The following VASP variants were observed in gnomAD, a reference collection of about 807,000 sequenced individuals.
VASP encodes vasodilator-stimulated phosphoprotein.
VASP carries 27 observed loss-of-function variants against 54.4 expected under a neutral mutation model. That is an observed-to-expected ratio of 0.50 (90% CI 0.37 to 0.68). The LOEUF (loss-of-function observed/expected upper bound fraction) is 0.68. VASP is among the 30% of genes least tolerant of loss of function. VASP has a pLI of 0.00. For missense variants in VASP, 488 were observed against 528.3 expected (o/e 0.92, Z 0.75); for synonymous variants, 233 against 209.8 (o/e 1.11, Z -0.96).
chr19:45,521,308 C>T lies in VASP; in HGVS notation c.344-14C>T. ...CTGGGACTGATCCATGGCCCTTTCT[C>T]TCTCACCTTTCAGGAGGTGGGCCCC... On this transcript the variant is annotated splice_polypyrimidine_tract_variant and intron_variant, in intron 3 of 12. Coordinates refer to ENST00000245932, the MANE Select transcript of VASP (RefSeq NM_003370.4). 1 of 1,565,986 alleles carries T rather than the reference C, an allele frequency of 6.4e-7. No individual in the cohort carries two copies. The highest frequency in any genetic ancestry group is 8.7e-7 in the Non-Finnish European group (1 of 1,154,874).
chr19:45,512,334 G>A (rs1355031833), intron 1 of VASP, among the ~76,000 whole-genome samples: 18 of 151,556 alleles, frequency 1.2e-4, no homozygotes, highest in Admixed American at 1.2e-3. Context: ...TGTCGCCCAG[G>A]CTGGAGTGCA....
At chr19:45,521,164 A>G (rs576448352) in intron 3 of VASP, among the ~76,000 whole-genome samples, 158 bp from the exon 4 acceptor site, 10 of 152,284 alleles carry the variant, frequency 6.6e-5, no homozygotes, top group South Asian at 4.1e-4. Context: ...TCACCTCCCA[A>G]TGTGCGTCCT....
chr19:45,507,584 A>T lies in VASP; in HGVS notation c.-188A>T. ...CAGGAACCTCTCATCAGACCGCCTG[A>T]GGGAAGCGGCGCCCGGAGACCCGCC... On this transcript the variant is annotated 5_prime_UTR_variant, in exon 1 of 13. Transcript: ENST00000245932. The surrounding 1 kb of genome is among the most constrained non-coding windows in gnomAD (Gnocchi z 4.4). 4.9e-6 allele frequency: 3 copies of T among 610,062 alleles called. No individual in the cohort carries two copies. The highest frequency in any genetic ancestry group is 2.7e-6 in the Non-Finnish European group (1 of 371,636). 37.8% of individuals were successfully genotyped at this position (610,062 alleles called of 1,614,324 possible).
Position 45,522,598 on chromosome 19 carries a change from G to T in VASP, c.720+17G>T. 1 of 1,487,790 alleles carries T rather than the reference G, an allele frequency of 6.7e-7. No individual in the cohort carries two copies. The highest frequency in any genetic ancestry group is 1.4e-5 in the African/African-American group (1 of 71,128). 92.2% of individuals were successfully genotyped at this position (1,487,790 alleles called of 1,614,324 possible). A position where few individuals can be genotyped will look rare whatever the true frequency, so the allele number is the denominator to read the frequency against. Reference sequence around the variant, plus strand: ...GTCAGCAAGGTGAGGGGCCGGGAGAGGTGGGCAGGGGGCAACAGGGCTTTT... The same window carrying T: ...GTCAGCAAGGTGAGGGGCCGGGAGATGTGGGCAGGGGGCAACAGGGCTTTT... On this transcript the variant is annotated intron_variant, in intron 6 of 12. Transcript: ENST00000245932.
intron 1 of VASP, among the ~76,000 whole-genome samples, chr19:45,509,555 C>T (rs74552571): frequency 0.06 from 9,105 of 152,220 alleles, 390 homozygotes; most frequent in African/African-American, 0.11. Flanking sequence ...GCCCTGGAAG[C>T]CCTGGCCCTC....
At chr19:45,520,052 C>G (rs1968798541) in intron 3 of VASP, among the ~76,000 whole-genome samples, 1 of 151,766 alleles carries the variant, frequency 6.6e-6, no homozygotes, top group Non-Finnish European at 1.5e-5. Context: ...TAGGTGTGCA[C>G]CAACATGCCT....
chr19:45,514,699 G>A (rs930281554), intron 1 of VASP, among the ~76,000 whole-genome samples: 14 of 152,160 alleles, frequency 9.2e-5, no homozygotes, highest in African/African-American at 1.4e-4. Context: ...CAGCAGCCCC[G>A]GGCTCCTGGC....
Position 45,522,579 on chromosome 19 carries a change from A to G in VASP, c.718A>G (p.Lys240Glu). ...IAGAKLRKVS[K>E]QEEASGGPTA... ...TGGAGCCAAACTCAGGAAAGTCAGC[A>G]AGGTGAGGGGCCGGGAGAGGTGGGC... Residue 240 changes from lysine (K) to glutamate (E), a missense_variant and splice_region_variant, in exon 6 of 13, where the codon AAG becomes GAG. Coordinates refer to ENST00000245932, the MANE Select transcript of VASP (RefSeq NM_003370.4). 6.8e-7 allele frequency: 1 copy of G among 1,470,168 alleles called. No homozygotes were observed. Among genetic ancestry groups the G allele is most frequent in the South Asian group, 1.4e-5 (1 of 70,966 alleles). The allele number at this position is 1,470,168 out of a possible 1,614,324, so 91.1% of individuals were successfully genotyped here.
intron 10 of VASP, 131 bp from the exon 11 acceptor site, chr19:45,524,437 ACT>A: frequency 2.3e-6 from 2 of 887,448 alleles, no homozygotes; most frequent in Non-Finnish European, 3.6e-6. Context: ...AAAAAAAAAA[ACT>A]GGGGCCCCAA....
intron 1 of VASP, among the ~76,000 whole-genome samples, chr19:45,515,078 G>T (rs1008327163): frequency 6.6e-6 from 1 of 152,176 alleles, no homozygotes; most frequent in African/African-American, 2.4e-5. Flanking sequence ...GTAAGAGGGA[G>T]ATGGCACAAT....
intron 8 of VASP, 55 bp from the exon 9 acceptor site, chr19:45,523,786 G>A: frequency 1.9e-6 from 3 of 1,614,060 alleles, no homozygotes; most frequent in Non-Finnish European, 2.5e-6. Context: ...CCTGAAAGAG[G>A]AAATGGGCAG....
rs200406972 is a variant in VASP at position 45,522,178 on chromosome 19, G to T, written c.439G>T (p.Gly147Cys). ...CGCCTCCCCCCACAGGCAGCAGCCC[G>T]GCCCGTCGGAGCACATAGAGCGCCG... ...EVEQQKRQQP[G>C]PSEHIERRVS... is the part of the protein sequence containing the mutation. Residue 147 changes from glycine (G) to cysteine (C), a missense_variant, in exon 5 of 13, where the codon GGC (glycine) becomes TGC (cysteine). Physicochemically the swap from Gly to Cys is radical, Grantham distance 159. Transcript: ENST00000245932. The T allele has an allele frequency of 6.2e-7, 1 of 1,613,948 alleles. No individual in the cohort carries two copies. The highest frequency in any genetic ancestry group is 2.2e-5 in the East Asian group (1 of 44,876).
chr19:45,507,484 A>G lies in VASP; in HGVS notation c.-288A>G. 4.3e-6 allele frequency: 2 copies of G among 469,754 alleles called. No homozygotes were observed. Among genetic ancestry groups the G allele is most frequent in the Non-Finnish European group, 7.5e-6 (2 of 265,442 alleles). 29.1% of individuals were successfully genotyped at this position (469,754 alleles called of 1,614,324 possible). Reference sequence around the variant, plus strand: ...GAAATGTAACGAAGAGAAGTACAGTAGTAAGAGTAACACTGTAGCCGCCAC... The same window carrying G: ...GAAATGTAACGAAGAGAAGTACAGTGGTAAGAGTAACACTGTAGCCGCCAC... On this transcript the variant is annotated 5_prime_UTR_variant, in exon 1 of 13. Transcript: ENST00000245932. This position sits in a 1 kb window ranked among gnomAD's most constrained non-coding sequence, Gnocchi z 4.4.
At position 45,522,729 on chromosome 19, in the gene VASP, C is replaced by T. The variant is rs1362043372; in HGVS notation, c.732C>T (p.Ala244=). ...TTAAATTTCTCCAGCAGGAGGAGGC[C>T]TCAGGGGGGCCCACAGCCCCCAAAG... ...KLRKVSKQEE[A]SGGPTAPKAE... Residue 244 remains alanine, a synonymous_variant, in exon 7 of 13, where the codon GCC becomes GCT. Transcript: ENST00000245932. The T allele has an allele frequency of 6.2e-7, 1 of 1,604,098 alleles. No homozygotes were observed. The highest frequency in any genetic ancestry group is 2.2e-5 in the East Asian group (1 of 44,528).
At position 45,518,107 on chromosome 19, in the gene VASP, G is replaced by A. The variant is rs369573467; in HGVS notation, c.343+13G>A. 81 of 1,609,706 alleles carry A rather than the reference G, an allele frequency of 5.0e-5. No individual in the cohort carries two copies. Among genetic ancestry groups the A allele is most frequent in the African/African-American group, 2.8e-4 (21 of 74,872 alleles). ...GAGGCGTTGGAAGGTCAGAAATGGC[G>A]GCGGGCAAAGGGGACCAGTGAATGC... is the stretch of plus-strand genomic sequence containing the variant. On this transcript the variant is annotated intron_variant, in intron 3 of 12. Coordinates refer to ENST00000245932, the MANE Select transcript of VASP (RefSeq NM_003370.4).
chr19:45,507,923 G>C lies in VASP; in HGVS notation c.5+147G>C. The C allele has an allele frequency of 2.0e-6, 1 of 507,830 alleles. No homozygotes were observed. The highest frequency in any genetic ancestry group is 3.3e-6 in the Non-Finnish European group (1 of 299,274). 31.5% of individuals were successfully genotyped at this position (507,830 alleles called of 1,614,324 possible). On this transcript the variant is annotated intron_variant, in intron 1 of 12. Transcript: ENST00000245932. This position sits in a 1 kb window ranked among gnomAD's most constrained non-coding sequence, Gnocchi z 4.4. ...ATTTGAGCTGAATCCCCTTGGACGC[G>C]CCCCAGAACCGTCGATCACTTCTCC...
intron 1 of VASP, among the ~76,000 whole-genome samples, chr19:45,515,064 C>G (rs1448054249): frequency 6.6e-6 from 1 of 152,062 alleles, no homozygotes; most frequent in Non-Finnish European, 1.5e-5. Context: ...ACCTGAAATG[C>G]CTAGTAAGAG....
intron 3 of VASP, among the ~76,000 whole-genome samples, chr19:45,518,854 CAG>C (rs1437336660): frequency 6.6e-6 from 1 of 152,004 alleles, no homozygotes; most frequent in Admixed American, 6.5e-5. Context: ...TTTTTTGAGA[CAG>C]AGTCTTGCTC....
chr19:45,518,165 G>C, intron 3 of VASP, 71 bp downstream of exon 3: 4 of 1,537,416 alleles, frequency 2.6e-6, no homozygotes, highest in Middle Eastern at 2.2e-4. Context: ...GCTTTACCCT[G>C]CTGGGACTTG....
Sources: allele counts gnomAD v4.1 joint callset (sites outside exome capture counted in the v4.1 genomes callset), GRCh38; gene constraint gnomAD v4.1.1; non-coding constraint Gnocchi (gnomAD v3.1); transcripts MANE v1.5; gene names NCBI Gene and HGNC (gene_info 2026-07-23, HGNC 2026-07-21).